Variants in ELOVL2 observed in about 807,000 individuals in gnomAD.
ELOVL2 encodes the protein ELOVL fatty acid elongase 2, also known as very long chain fatty acid elongase 2.
ELOVL2 carries 38 observed loss-of-function variants against 37.7 expected under a neutral mutation model. That is an observed-to-expected ratio of 1.01 (90% CI 0.78 to 1.32). ELOVL2 has a LOEUF of 1.32. ELOVL2 is among the 40% of genes most tolerant of loss of function. The pLI, the probability that ELOVL2 is intolerant of heterozygous loss-of-function variation, is 0.00. For synonymous variants in ELOVL2, 115 were observed against 122.3 expected (o/e 0.94, Z 0.40); for missense variants, 352 against 363.6 (o/e 0.97, Z 0.26).
chr6:11,036,105 C>T (rs1299157497), intron 1 of ELOVL2, among the ~76,000 whole-genome samples: 2 of 152,172 alleles, frequency 1.3e-5, no homozygotes, highest in African/African-American at 2.4e-5. Flanking sequence ...TTCTGTCTTA[C>T]ACGAAGCAAG....
chr6:11,042,373 C>A lies in ELOVL2; in HGVS notation c.3+1855G>T, dbSNP rs1351369556. Among the ~76,000 whole-genome samples the A allele has an allele frequency of 2.0e-5, 3 of 149,980 alleles. No individual in the cohort carries two copies. The Admixed American group carries it at 2.0e-4, about 10-fold the overall frequency. ...ATTTGGGTATTAAAAAAAAATTCCT[C>A]TGAAGACCCACAGTTTCTGAGAAAT... On this transcript the variant is annotated intron_variant, in intron 1 of 7. Coordinates refer to ENST00000354666, the MANE Select transcript of ELOVL2 (RefSeq NM_017770.4).
chr6:10,985,629 C>G (rs1217826958), intron 7 of ELOVL2, among the ~76,000 whole-genome samples: 5 of 151,700 alleles, frequency 3.3e-5, no homozygotes, highest in South Asian at 2.1e-4. Context: ...GCTTGTTTTT[C>G]TCAGGTTTGT....
rs140993982 is a variant in ELOVL2 at position 11,001,590 on chromosome 6, C to T, written c.256-1426G>A. ...TAGTAAGGGGCTCTAATCTCTACTCCGCAATTAATACAGTTATAGAGTAAC... is the reference window on the plus strand; with the variant it reads ...TAGTAAGGGGCTCTAATCTCTACTCTGCAATTAATACAGTTATAGAGTAAC... On this transcript the variant is annotated intron_variant, in intron 3 of 7. Coordinates refer to ENST00000354666, the MANE Select transcript of ELOVL2 (RefSeq NM_017770.4). Among the ~76,000 whole-genome samples, 350 of 152,276 alleles carry T rather than the reference C, an allele frequency of 2.3e-3. 1 individual carries two copies. The highest frequency in any genetic ancestry group is 7.1e-3 in the African/African-American group (297 of 41,556).
At chr6:11,041,081 A>C (rs1783092132) in intron 1 of ELOVL2, among the ~76,000 whole-genome samples, 1 of 152,210 alleles carries the variant, frequency 6.6e-6, no homozygotes, top group Non-Finnish European at 1.5e-5. Context: ...GTAACTGTAG[A>C]ATTACTATGA....
intron 3 of ELOVL2, 52 bp downstream of exon 3, chr6:11,005,320 T>C: frequency 6.6e-7 from 1 of 1,517,688 alleles, no homozygotes; most frequent in Non-Finnish European, 9.0e-7. Context: ...TTGTTTCTGT[T>C]AATAAAAACT....
At chr6:11,032,697 T>C (rs1013906392) in intron 1 of ELOVL2, among the ~76,000 whole-genome samples, 5 of 152,254 alleles carry the variant, frequency 3.3e-5, no homozygotes, top group South Asian at 4.1e-4. Flanking sequence ...TTTGAGCATC[T>C]ACTGTCTGCA....
chr6:11,032,085 T>C (rs1382914697), intron 1 of ELOVL2, among the ~76,000 whole-genome samples: 3 of 152,186 alleles, frequency 2.0e-5, no homozygotes, highest in African/African-American at 4.8e-5. Context: ...GTCAAAGACT[T>C]GGGCTCAGGT....
chr6:10,990,541 A>G, intron 5 of ELOVL2, 99 bp from the exon 6 acceptor site: 3 of 1,148,630 alleles, frequency 2.6e-6, no homozygotes, highest in Non-Finnish European at 3.6e-6. Context: ...ATTGAAAATG[A>G]GTAGCACATA....
chr6:11,043,809 GGCGGTGGCGA>G (rs1783155177), intron 1 of ELOVL2: 1 of 165,960 alleles, frequency 6.0e-6, no homozygotes, highest in Admixed American at 6.4e-5. Flanking sequence ...GGCGTCGGCG[GGCGGTGGCGA>G]GAGCAGGTTC....
chr6:11,024,866 C>T (rs1273595964), intron 1 of ELOVL2, among the ~76,000 whole-genome samples: 1 of 152,160 alleles, frequency 6.6e-6, no homozygotes, highest in Admixed American at 6.5e-5. Context: ...TTGTTCCTAA[C>T]CTCAACGGAC....
chr6:10,995,245 T>TCGGGCAGAAG, intron 4 of ELOVL2, 67 bp from the exon 5 acceptor site: 1 of 1,241,434 alleles, frequency 8.1e-7, no homozygotes, highest in South Asian at 1.6e-5. Flanking sequence ...GCCCCACTGC[T>TCGGGCAGAAG]CGGCCTTCTG....
chr6:11,024,289 T>A (rs1192935088), intron 1 of ELOVL2, among the ~76,000 whole-genome samples: 1 of 152,238 alleles, frequency 6.6e-6, no homozygotes, highest in Non-Finnish European at 1.5e-5. Context: ...ACACACAATC[T>A]TCTCTCCAGG....
rs1782969199 is a variant in ELOVL2 at position 11,033,786 on chromosome 6, C to T, written c.3+10442G>A. Among the ~76,000 whole-genome samples, 4 of 151,836 alleles carry T rather than the reference C, an allele frequency of 2.6e-5. 1 individual carries two copies. Among genetic ancestry groups the T allele is most frequent in the South Asian group, 4.2e-4 (2 of 4,812 alleles). ...TCCCCAGAAGAAAAATCCTTAATGT[C>T]GAAACTAAAATCCATCATGACAGGA... On this transcript the variant is annotated intron_variant, in intron 1 of 7. Transcript: ENST00000354666.
intron 7 of ELOVL2, among the ~76,000 whole-genome samples, chr6:10,985,606 TC>T (rs1364543647): frequency 2.0e-5 from 3 of 151,954 alleles, no homozygotes; most frequent in Admixed American, 1.3e-4. Context: ...AAATAGGGAA[TC>T]CTTTCCCCAT....
At position 11,010,730 on chromosome 6, in the gene ELOVL2, CAAGT is replaced by C. The variant is rs748404853; in HGVS notation, c.67+12_67+15del. On this transcript the variant is annotated intron_variant, in intron 2 of 7. Coordinates refer to ENST00000354666, the MANE Select transcript of ELOVL2 (RefSeq NM_017770.4). ...CTGTGTTCCTTCCACATTAAGTTCT[CAAGT>C]AATTCACTGACCTCGCGGTCCAAAC... 2 of 1,604,754 alleles carry C rather than the reference CAAGT, an allele frequency of 1.2e-6. No individual in the cohort carries two copies. Among genetic ancestry groups the C allele is most frequent in the African/African-American group, 1.3e-5 (1 of 74,688 alleles).
chr6:11,005,343 A>C (rs976332511), intron 3 of ELOVL2, 29 bp downstream of exon 3: 1 of 1,590,952 alleles, frequency 6.3e-7, no homozygotes, highest in South Asian at 1.1e-5. Flanking sequence ...TAGTTACTGG[A>C]CTTCAGCTTT....
At chr6:11,035,577 A>G (rs1423607134) in intron 1 of ELOVL2, among the ~76,000 whole-genome samples, 2 of 152,226 alleles carry the variant, frequency 1.3e-5, no homozygotes, top group South Asian at 4.1e-4. Context: ...CTCTTTAGCT[A>G]CCAGCCACCT....
intron 7 of ELOVL2, among the ~76,000 whole-genome samples, chr6:10,985,072 G>A (rs1782022889): frequency 6.6e-6 from 1 of 152,188 alleles, no homozygotes; most frequent in South Asian, 2.1e-4. Flanking sequence ...GGTGTGAGAT[G>A]TTATCTCATT....
intron 6 of ELOVL2, 62 bp downstream of exon 6, chr6:10,990,256 T>G: frequency 6.3e-7 from 1 of 1,576,142 alleles, no homozygotes; most frequent in Non-Finnish European, 8.6e-7. Flanking sequence ...CTTCTAAGAT[T>G]TCTATTTCCT....
Sources: gnomAD v4.1 joint callset for allele counts (sites outside exome capture counted in the v4.1 genomes callset) on GRCh38, gnomAD v4.1.1 for gene constraint, MANE v1.5 for transcripts, NCBI Gene and HGNC (gene_info 2026-07-23, HGNC 2026-07-21) for gene names.